MTG1: variants seen among roughly 807,000 people sequenced by gnomAD.
The protein encoded by MTG1 is mitochondrial ribosome-associated GTPase 1.
Under a neutral mutation model 39.5 loss-of-function variants are expected in MTG1, and 30 were observed. That is an observed-to-expected ratio of 0.76 (90% CI 0.57 to 1.03). The LOEUF is 1.03. Among genes scored for constraint, MTG1 ranks in the 50% least tolerant of loss-of-function variants. MTG1 has a pLI of 0.00. For synonymous variants in MTG1, 217 were observed against 179.0 expected, an observed-to-expected ratio of 1.21 and a Z score of -1.69; for missense variants, 513 against 447.4, an observed-to-expected ratio of 1.15 and a Z score of -1.32.
intron 9 of MTG1, among the ~76,000 whole-genome samples, chr10:133,407,025 A>T (rs1353146497): frequency 9.6e-6 from 1 of 104,188 alleles, no homozygotes; most frequent in Non-Finnish European, 2.4e-5. Context: ...GTGGTTATCC[A>T]GTTTAACCAG....
At chr10:133,418,863 C>T (rs1850177338) in intron 9 of MTG1, among the ~76,000 whole-genome samples, 2 of 152,194 alleles carry the variant, frequency 1.3e-5, no homozygotes, top group African/African-American at 2.4e-5. Flanking sequence ...CCTTTCCCTC[C>T]AGGCCTCTCT....
chr10:133,420,294 C>T lies in MTG1; in HGVS notation c.*129C>T, dbSNP rs546136660. On this transcript the variant is annotated 3_prime_UTR_variant, in exon 11 of 11. Transcript: ENST00000317502. ...GTCACTAGGGTGCTGTGCTCTCTGG[C>T]GCCCCACAGCCTGGCCAGCTCCAGG... 1.5e-5 allele frequency: 18 copies of T among 1,164,492 alleles called. No individual in the cohort carries two copies. Among genetic ancestry groups the T allele is most frequent in the African/African-American group, 4.7e-5 (3 of 63,822 alleles). The allele number at this position is 1,164,492 out of a possible 1,614,324, so 72.1% of individuals were successfully genotyped here.
Position 133,420,147 on chromosome 10 carries a change from G to A in MTG1, c.987G>A (p.Pro329=), listed in dbSNP as rs765682362. 9.9e-6 allele frequency: 16 copies of A among 1,611,600 alleles called. No individual in the cohort carries two copies. The highest frequency in any genetic ancestry group is 1.6e-4 in the Middle Eastern group (1 of 6,062). ...LDLDVLRGHP[P]AETLP ...TCGACGTCCTGCGGGGCCACCCCCCGGCTGAGACTTTGCCCTGAACTTGTC... is the reference window on the plus strand; with the variant it reads ...TCGACGTCCTGCGGGGCCACCCCCCAGCTGAGACTTTGCCCTGAACTTGTC... The change falls in exon 11 of 11, where the codon CCG becomes CCA. Residue 329 remains proline, a synonymous_variant. Coordinates refer to ENST00000317502, the MANE Select transcript of MTG1 (RefSeq NM_138384.4).
chr10:133,404,782 A>G (rs1849945875), intron 9 of MTG1, among the ~76,000 whole-genome samples: 1 of 152,068 alleles, frequency 6.6e-6, no homozygotes, highest in African/African-American at 2.4e-5. Flanking sequence ...TTCCGGAAAC[A>G]TTTGTTGCAA....
intron 9 of MTG1, among the ~76,000 whole-genome samples, 194 bp from the exon 10 acceptor site, chr10:133,419,286 T>C (rs984056781): frequency 4.6e-5 from 7 of 152,080 alleles, no homozygotes; most frequent in African/African-American, 1.7e-4. Context: ...GATTCTTAGA[T>C]AGTGGCTCTC....
rs898564880 is a variant in MTG1 at position 133,398,524 on chromosome 10, T to G, written c.363+9T>G. ...ATGAAAATGTCAAGCAGGTAGGCTT[T>G]TCGTCTGTGCTCTCTCTGACGCTTC... On this transcript the variant is annotated intron_variant, in intron 4 of 10. Coordinates refer to ENST00000317502, the MANE Select transcript of MTG1 (RefSeq NM_138384.4). 2 of 1,612,680 alleles carry G rather than the reference T, an allele frequency of 1.2e-6. No homozygotes were observed. The highest frequency in any genetic ancestry group is 1.7e-6 in the Non-Finnish European group (2 of 1,179,580).
chr10:133,413,614 C>T (rs1014002083), intron 9 of MTG1, among the ~76,000 whole-genome samples: 8 of 152,234 alleles, frequency 5.3e-5, no homozygotes, highest in East Asian at 1.9e-4. Context: ...TATTTTTAAA[C>T]GATTCTACTG....
intron 9 of MTG1, among the ~76,000 whole-genome samples, chr10:133,408,604 G>T (rs1850002621): frequency 6.6e-6 from 1 of 151,900 alleles, no homozygotes; most frequent in African/African-American, 2.4e-5. Context: ...CAGTTTTTTT[G>T]AATAGTTTGA....
intron 6 of MTG1, 85 bp downstream of exon 6, chr10:133,399,704 G>A (rs1238949236): frequency 2.1e-6 from 3 of 1,416,408 alleles, no homozygotes; most frequent in Admixed American, 1.7e-5. Flanking sequence ...TCTTGGAGGG[G>A]ACGTGCCCGA....
intron 6 of MTG1, 119 bp downstream of exon 6, chr10:133,399,738 A>C: frequency 1.0e-6 from 1 of 994,092 alleles, no homozygotes; most frequent in East Asian, 2.5e-5. Flanking sequence ...TCTTCTGCTG[A>C]CCCCGCAGCC....
intron 3 of MTG1, among the ~76,000 whole-genome samples, chr10:133,397,281 G>T (rs956903993): frequency 1.3e-5 from 2 of 152,124 alleles, no homozygotes; most frequent in South Asian, 4.2e-4. Context: ...AGGGCCCCTT[G>T]TCCAGTGGAC....
At chr10:133,417,083 A>T (rs1480609598) in intron 9 of MTG1, among the ~76,000 whole-genome samples, 4 of 151,552 alleles carry the variant, frequency 2.6e-5, no homozygotes, top group East Asian at 1.9e-4. Context: ...CTGACTTTTT[A>T]ATGATTGCCA....
Position 133,394,293 on chromosome 10 carries a change from C to A in MTG1, c.73C>A (p.Arg25Ser), listed in dbSNP as rs1369205671. The part of the protein sequence containing the change: ...AWRENFPLCG[R>S]DVARWFPGHM... ...GCGGGAGAACTTCCCCCTGTGCGGT[C>A]GCGACGTGGCGCGCTGGTTCCCGGG... The change falls in exon 1 of 11, where the codon CGC (arginine) becomes AGC (serine). Residue 25 changes from arginine (R) to serine (S), a missense_variant. Transcript: ENST00000317502. 27 of 1,516,620 alleles carry A rather than the reference C, an allele frequency of 1.8e-5. No individual in the cohort carries two copies. The East Asian group carries it at 6.5e-4, about 36-fold the overall frequency. The allele number at this position is 1,516,620 out of a possible 1,614,324, so 93.9% of individuals were successfully genotyped here.
intron 10 of MTG1, 103 bp from the exon 11 acceptor site, chr10:133,419,923 G>T: frequency 7.4e-7 from 1 of 1,354,002 alleles, no homozygotes. Flanking sequence ...GGGCTTCCCT[G>T]ATGCCATCAT....
rs370553422 is a variant in MTG1, at chr10:133,394,236, C to G, written c.16C>G (p.Arg6Gly). The change falls in exon 1 of 11, where the codon CGC (arginine) becomes GGC (glycine). Residue 6 changes from arginine to glycine, a missense_variant. Physicochemically the swap from Arg to Gly is moderately radical, Grantham distance 125. Coordinates refer to ENST00000317502, the MANE Select transcript of MTG1 (RefSeq NM_138384.4). MRLTP[R>G]ALCSAAQAAW... The stretch of plus-strand genomic sequence containing the variant: ...CGGTGCCGCCATGAGATTGACCCCG[C>G]GCGCGCTGTGCAGCGCCGCCCAGGC... The G allele has an allele frequency of 2.6e-6, 4 of 1,516,546 alleles. No homozygotes were observed. In the South Asian group the frequency reaches 3.7e-5, roughly 14 times the overall value. The allele number at this position is 1,516,546 out of a possible 1,614,324, so 93.9% of individuals were successfully genotyped here.
intron 1 of MTG1, chr10:133,394,697 T>C: frequency 9.3e-7 from 1 of 1,079,438 alleles, no homozygotes; most frequent in Non-Finnish European, 1.1e-6. Flanking sequence ...GATAGACTTT[T>C]CTGAGTCTTT....
intron 9 of MTG1, among the ~76,000 whole-genome samples, chr10:133,416,895 T>C (rs558907710): frequency 0.012 from 1,770 of 151,964 alleles, 40 homozygotes; most frequent in African/African-American, 0.041. Flanking sequence ...GCAGCATGAT[T>C]TATAGTCCTT....
chr10:133,402,689 C>G lies in MTG1; in HGVS notation c.671-3C>G, dbSNP rs145598090. 1 of 1,602,276 alleles carries G rather than the reference C, an allele frequency of 6.2e-7. No homozygotes were observed. The highest frequency in any genetic ancestry group is 2.2e-5 in the East Asian group (1 of 44,590). Reference sequence around the variant, plus strand: ...GTGCTCACCTCGGCTGCTGCTTCCACAGGAACGGTGCTGGACCACCTGGTC... The same window carrying G: ...GTGCTCACCTCGGCTGCTGCTTCCAGAGGAACGGTGCTGGACCACCTGGTC... On this transcript the variant is annotated splice_region_variant and splice_polypyrimidine_tract_variant and intron_variant, in intron 8 of 10. Transcript: ENST00000317502. This position sits in a 1 kb window ranked among gnomAD's most constrained non-coding sequence, Gnocchi z 4.7.
Position 133,419,463 on chromosome 10 carries a change from C to CTGCAGCCTATGTGCAGGTACG in MTG1, c.753-10_763dup. ...CAGTGCTGGGCCCCCTGGTGCTGACCTGCAGCCTATGTGCAGGTACGTGCA... is the reference window on the plus strand; with the variant it reads ...CAGTGCTGGGCCCCCTGGTGCTGACCTGCAGCCTATGTGCAGGTACGTGCAGCCTATGTGCAGGTACGTGCA... On this transcript the variant is annotated splice_polypyrimidine_tract_variant and intron_variant, in intron 9 of 10. Transcript: ENST00000317502. The CTGCAGCCTATGTGCAGGTACG allele has an allele frequency of 6.3e-7, 1 of 1,574,814 alleles. No individual in the cohort carries two copies.
Sources: allele counts gnomAD v4.1 joint callset (sites outside exome capture counted in the v4.1 genomes callset), GRCh38; gene constraint gnomAD v4.1.1; non-coding constraint Gnocchi (gnomAD v3.1); transcripts MANE v1.5; gene names NCBI Gene and HGNC (gene_info 2026-07-23, HGNC 2026-07-21).